GLB1L3: variants seen among roughly 807,000 people sequenced by gnomAD.
GLB1L3 encodes the protein beta-galactosidase-1-like protein 3.
A neutral mutation model predicts 89.5 loss-of-function variants in GLB1L3; 89 were observed. The observed-to-expected ratio is 0.99, with a 90% confidence interval of 0.84 to 1.19. The LOEUF (loss-of-function observed/expected upper bound fraction) is 1.19. Among genes scored for constraint, GLB1L3 ranks in the 50% most tolerant of loss-of-function variants. The pLI is 0.00. For missense variants in GLB1L3, 812 were observed against 813.3 expected, an observed-to-expected ratio of 1.00 and a Z score of 0.02; for synonymous variants, 314 against 312.3, an observed-to-expected ratio of 1.01 and a Z score of -0.06.
At chr11:134,316,999 G>C (rs1943012643) in intron 18 of GLB1L3, 1 of 152,242 alleles carries the variant, frequency 6.6e-6, no homozygotes, top group Non-Finnish European at 1.5e-5. Flanking sequence ...TATTCAACCT[G>C]AGGCACTGGA....
At chr11:134,308,201 A>T (rs1942319191) in intron 10 of GLB1L3, among the ~76,000 whole-genome samples, 2 of 48,996 alleles carry the variant, frequency 4.1e-5, no homozygotes, top group East Asian at 5.8e-4. Flanking sequence ...CACCATCACC[A>T]CTACCACCAC....
At chr11:134,288,704 C>A in intron 6 of GLB1L3, 94 bp from the exon 7 acceptor site, 1 of 817,358 alleles carries the variant, frequency 1.2e-6, no homozygotes, top group Non-Finnish European at 1.9e-6. Flanking sequence ...GAGCCTGCCG[C>A]ACCAGCTGTG....
At chr11:134,318,117 T>A (rs1449938441) in intron 18 of GLB1L3, among the ~76,000 whole-genome samples, 1 of 152,190 alleles carries the variant, frequency 6.6e-6, no homozygotes, top group Non-Finnish European at 1.5e-5. Flanking sequence ...GCCCTTTAAT[T>A]TGAAGCATTT....
chr11:134,295,481 A>G (rs1941581538), intron 9 of GLB1L3, among the ~76,000 whole-genome samples: 1 of 152,116 alleles, frequency 6.6e-6, no homozygotes, highest in Non-Finnish European at 1.5e-5. Flanking sequence ...TTTCAGTCCT[A>G]ATATTGCTAA....
intron 9 of GLB1L3, among the ~76,000 whole-genome samples, chr11:134,303,304 T>G (rs1410960279): frequency 6.6e-6 from 1 of 152,236 alleles, no homozygotes; most frequent in East Asian, 1.9e-4. Context: ...CTGACACAAT[T>G]AAACTTTTAT....
downstream of GLB1L3, among the ~76,000 whole-genome samples, chr11:134,319,774 GTA>G (rs1364092627): frequency 6.6e-6 from 1 of 151,694 alleles, no homozygotes; most frequent in East Asian, 1.9e-4. Context: ...GTGTGTGTGT[GTA>G]TGTAGGAGTA....
intron 9 of GLB1L3, among the ~76,000 whole-genome samples, chr11:134,296,618 C>T (rs1342407363): frequency 6.9e-6 from 1 of 144,082 alleles, no homozygotes; most frequent in Non-Finnish European, 1.5e-5. Context: ...CGCATATTCT[C>T]ACTCATAGGT....
rs747553351 is a variant in GLB1L3 at position 134,292,186 on chromosome 11, CAT to C, written c.785_786del (p.His262ArgfsTer28). 1.9e-5 allele frequency: 31 copies of C among 1,613,376 alleles called. No homozygotes were observed. The highest frequency in any genetic ancestry group is 8.3e-5 in the Admixed American group (5 of 59,992). Reference sequence around the variant, plus strand: ...TCTCTTGACCTCTGATGGTGAGAAACATGTGCTGAGTGGCCACACCAAAGGAG... The same window carrying C: ...TCTCTTGACCTCTGATGGTGAGAAACGTGCTGAGTGGCCACACCAAAGGAG... ...ELLLTSDGEKHVLSGHTKGVL... is the reference protein window; with the variant it reads ...ELLLTSDGEKXVLSGHTKGVL... On this transcript the variant is annotated frameshift_variant, in exon 8 of 20. Transcript: ENST00000431683. LOFTEE classifies it high-confidence loss of function.
At chr11:134,309,799 G>A in intron 11 of GLB1L3, 36 bp downstream of exon 11, 1 of 1,606,250 alleles carries the variant, frequency 6.2e-7, no homozygotes, top group Non-Finnish European at 8.5e-7. Context: ...CTCCAGCATG[G>A]GCGGTGCTGG....
At chr11:134,292,884 G>A (rs1941435486) in intron 8 of GLB1L3, 1 of 556,770 alleles carries the variant, frequency 1.8e-6, no homozygotes, top group East Asian at 3.2e-5. Flanking sequence ...GTCTAATCAT[G>A]TCAGGGAGCC....
chr11:134,298,472 A>G (rs1034489647), intron 9 of GLB1L3, among the ~76,000 whole-genome samples: 1 of 152,170 alleles, frequency 6.6e-6, no homozygotes, highest in African/African-American at 2.4e-5. Flanking sequence ...CATTACTGAT[A>G]TGGTTTGGCT....
chr11:134,288,095 C>CT (rs998105428), intron 6 of GLB1L3, among the ~76,000 whole-genome samples: 11 of 152,202 alleles, frequency 7.2e-5, no homozygotes, highest in African/African-American at 2.2e-4. Flanking sequence ...AGAGGATACT[C>CT]TGAAAAGGCC....
At chr11:134,308,193 CCA>C (rs2136198485) in intron 10 of GLB1L3, among the ~76,000 whole-genome samples, 1 of 102,064 alleles carries the variant, frequency 9.8e-6, no homozygotes, top group Non-Finnish European at 1.8e-5. Context: ...ACCATCATCA[CCA>C]TCACCACTAC....
At chr11:134,312,975 C>A in intron 15 of GLB1L3, 88 bp downstream of exon 15, 1 of 915,732 alleles carries the variant, frequency 1.1e-6, no homozygotes, top group African/African-American at 1.6e-5. Context: ...CTCCCTTCTC[C>A]ACCCCTGCTG....
chr11:134,277,769 A>G lies in GLB1L3; in HGVS notation c.219A>G (p.Thr73=), dbSNP rs1206235640. 15 of 1,613,750 alleles carry G rather than the reference A, an allele frequency of 9.3e-6. No homozygotes were observed. The South Asian group carries it at 1.5e-4, about 17-fold the overall frequency. ...NRSVGLGTES[T]GRGKPHFTLE... is the part of the protein sequence containing the mutation. ...CTGTGGGACTTGGAACTGAAAGCAC[A>G]GGTCGGGGTAAGCCCCACTTCACAC... is the stretch of plus-strand genomic sequence containing the variant. Residue 73 remains threonine, a synonymous_variant, in exon 3 of 20, where the codon ACA becomes ACG. Coordinates refer to ENST00000431683, the MANE Select transcript of GLB1L3 (RefSeq NM_001080407.3).
chr11:134,276,318 G>C (rs1349222047), upstream of GLB1L3: 5 of 168,930 alleles, frequency 3.0e-5, no homozygotes, highest in Non-Finnish European at 6.3e-5. Context: ...TCGCGCGCGC[G>C]GCACGGAGAC....
intron 10 of GLB1L3, among the ~76,000 whole-genome samples, chr11:134,308,582 A>G (rs1421835928): frequency 1.3e-5 from 2 of 148,154 alleles, no homozygotes; most frequent in East Asian, 4.0e-4. Context: ...CATCACCATC[A>G]CCATCATCAC....
intron 10 of GLB1L3, among the ~76,000 whole-genome samples, chr11:134,308,586 T>TCAC (rs1942530003): frequency 9.2e-6 from 1 of 108,700 alleles, no homozygotes; most frequent in African/African-American, 3.7e-5. Context: ...ACCATCACCA[T>TCAC]CATCACCATC....
chr11:134,279,374 T>C (rs1940560804), intron 3 of GLB1L3, among the ~76,000 whole-genome samples: 1 of 146,438 alleles, frequency 6.8e-6, no homozygotes, highest in Non-Finnish European at 1.5e-5. Flanking sequence ...CTTTTTTTTT[T>C]TTTTTTTTTT....
Sources: allele counts gnomAD v4.1 joint callset (sites outside exome capture counted in the v4.1 genomes callset), GRCh38; gene constraint gnomAD v4.1.1; transcripts MANE v1.5; gene names NCBI Gene and HGNC (gene_info 2026-07-23, HGNC 2026-07-21).